Variants in DENND1B observed in about 807,000 individuals in gnomAD.
The protein encoded by DENND1B is DENN domain-containing protein 1B.
DENND1B carries 59 observed loss-of-function variants against 90.1 expected under a neutral mutation model. The observed-to-expected ratio is 0.65, with a 90% CI of 0.53 to 0.81. DENND1B has a LOEUF of 0.81. Ranked by LOEUF, DENND1B falls within the 40% of genes least tolerant of loss-of-function variation. DENND1B has a pLI of 0.00. For missense variants in DENND1B, 862 were observed against 912.6 expected (o/e 0.94, Z 0.71); for synonymous variants, 337 against 324.6 (o/e 1.04, Z -0.41).
intron 3 of DENND1B, among the ~76,000 whole-genome samples, chr1:197,695,783 T>C (rs2102120482): frequency 6.6e-6 from 1 of 151,368 alleles, no homozygotes; most frequent in East Asian, 1.9e-4. Flanking sequence ...CACGATCATT[T>C]AAATATTTAT....
intron 20 of DENND1B, among the ~76,000 whole-genome samples, chr1:197,516,600 C>A (rs542858798): frequency 4.2e-4 from 63 of 151,636 alleles, no homozygotes; most frequent in South Asian, 2.9e-3. Context: ...TCCCCATGTT[C>A]GGAACATAAC....
At chr1:197,662,721 T>C (rs1397901481) in intron 5 of DENND1B, among the ~76,000 whole-genome samples, 1 of 152,046 alleles carries the variant, frequency 6.6e-6, no homozygotes, top group Non-Finnish European at 1.5e-5. Flanking sequence ...AGCCTTTTAA[T>C]AAACATGTTC....
chr1:197,700,451 C>T (rs1414645300), intron 3 of DENND1B, among the ~76,000 whole-genome samples: 1 of 152,080 alleles, frequency 6.6e-6, no homozygotes, highest in Admixed American at 6.5e-5. Flanking sequence ...ACACCTTATA[C>T]AAAAATTAAC....
At chr1:197,608,656 A>G (rs1255355872) in intron 12 of DENND1B, among the ~76,000 whole-genome samples, 3 of 150,528 alleles carry the variant, frequency 2.0e-5, no homozygotes, top group Non-Finnish European at 4.5e-5. Context: ...AATCTAATAA[A>G]CCTGATGTAT....
chr1:197,752,476 T>C (rs1374231898), intron 2 of DENND1B, among the ~76,000 whole-genome samples: 1 of 151,986 alleles, frequency 6.6e-6, no homozygotes, highest in Non-Finnish European at 1.5e-5. Context: ...AACAACAGTA[T>C]CAGTATAATT....
intron 13 of DENND1B, among the ~76,000 whole-genome samples, chr1:197,603,518 G>C (rs560115720): frequency 6.6e-6 from 1 of 150,796 alleles, no homozygotes; most frequent in Non-Finnish European, 1.5e-5. Context: ...ATTAGAGACC[G>C]TTAAGCAATA....
chr1:197,720,927 C>T (rs1416285462), intron 2 of DENND1B, among the ~76,000 whole-genome samples: 1 of 152,028 alleles, frequency 6.6e-6, no homozygotes, highest in African/African-American at 2.4e-5. Flanking sequence ...TTGAAGTTAA[C>T]CTATAGATGA....
intron 4 of DENND1B, among the ~76,000 whole-genome samples, chr1:197,673,099 A>T (rs554644034): frequency 6.6e-6 from 1 of 152,084 alleles, no homozygotes; most frequent in South Asian, 2.1e-4. Flanking sequence ...CAAATGCTGA[A>T]CATTTAACAA....
In DENND1B at chr1:197,746,684, G is replaced by A. The variant is rs142059569; in HGVS notation, c.82+26184C>T. 11 of 777,026 alleles carry A rather than the reference G, an allele frequency of 1.4e-5. No homozygotes were observed. In the East Asian group the frequency reaches 2.7e-4, roughly 19 times the overall value. The allele number at this position is 777,026 out of a possible 1,614,324, so 48.1% of individuals were successfully genotyped here. ...CAATTTTCTGACATATTTAACACAG[G>A]CTGGAAAACGTTCTCAGTAAATTGA... On this transcript the variant is annotated intron_variant, in intron 2 of 22. Transcript: ENST00000620048.
At chr1:197,768,517 C>T (rs1272029643) in intron 2 of DENND1B, among the ~76,000 whole-genome samples, 1 of 152,110 alleles carries the variant, frequency 6.6e-6, no homozygotes, top group Non-Finnish European at 1.5e-5. Context: ...GCTGGCTGTA[C>T]TTCCCTGCCT....
chr1:197,548,405 C>T (rs1034924520), intron 16 of DENND1B, among the ~76,000 whole-genome samples: 3 of 152,144 alleles, frequency 2.0e-5, no homozygotes, highest in Non-Finnish European at 4.4e-5. Flanking sequence ...TGAGCATCAG[C>T]TTCTTCATTC....
intron 2 of DENND1B, among the ~76,000 whole-genome samples, chr1:197,768,102 G>C (rs1655924041): frequency 6.6e-6 from 1 of 152,052 alleles, no homozygotes; most frequent in Non-Finnish European, 1.5e-5. Flanking sequence ...CACAGAATAA[G>C]TACAACATAT....
chr1:197,655,443 T>C (rs577045192), intron 6 of DENND1B, among the ~76,000 whole-genome samples: 3 of 152,240 alleles, frequency 2.0e-5, no homozygotes, highest in African/African-American at 7.2e-5. Flanking sequence ...ACAGAAAGCA[T>C]CACCTAACTT....
intron 2 of DENND1B, among the ~76,000 whole-genome samples, chr1:197,749,732 A>G (rs1206202938): frequency 1.3e-5 from 2 of 151,568 alleles, no homozygotes; most frequent in South Asian, 4.1e-4. Context: ...TTTTTTTTTC[A>G]TTTCTTAACT....
intron 20 of DENND1B, among the ~76,000 whole-genome samples, chr1:197,536,312 T>C (rs1292674014): frequency 1.3e-5 from 2 of 152,192 alleles, no homozygotes; most frequent in Non-Finnish European, 2.9e-5. Flanking sequence ...AGAATGCCTA[T>C]ATCCTTATAA....
chr1:197,649,948 G>GA (rs1206636273), intron 7 of DENND1B, among the ~76,000 whole-genome samples: 1 of 152,082 alleles, frequency 6.6e-6, no homozygotes, highest in Admixed American at 6.6e-5. Context: ...TAGAATGGGA[G>GA]AAAATCTCAC....
chr1:197,734,971 CT>C, intron 2 of DENND1B: 1 of 985,138 alleles, frequency 1.0e-6, no homozygotes, highest in Non-Finnish European at 1.2e-6. Context: ...AAATTAAAGA[CT>C]CTGGAACACA....
Position 197,604,897 on chromosome 1 carries a change from C to T in DENND1B, c.921+2176G>A, listed in dbSNP as rs79790293. Among the ~76,000 whole-genome samples, 1,249 of 151,158 alleles carry T rather than the reference C, an allele frequency of 8.3e-3. 19 individuals carry two copies. The highest frequency in any genetic ancestry group is 0.028 in the African/African-American group (1,149 of 41,396). ...AATTGTAAGAGATAACTTTAGAAAACTGATGAAAAAGCTATATTTATTAGA... is the reference window on the plus strand; with the variant it reads ...AATTGTAAGAGATAACTTTAGAAAATTGATGAAAAAGCTATATTTATTAGA... On this transcript the variant is annotated intron_variant, in intron 13 of 22. Coordinates refer to ENST00000620048, the MANE Select transcript of DENND1B (RefSeq NM_001195215.2).
At position 197,715,092 on chromosome 1, in the gene DENND1B, G is replaced by A. The variant is rs1189532421; in HGVS notation, c.83-18C>T. ...CACAGGATCTGTAAATAATTGACAT[G>A]TATAATTAAACAGCAGCAAAAGAAC... On this transcript the variant is annotated intron_variant, in intron 2 of 22. Coordinates refer to ENST00000620048, the MANE Select transcript of DENND1B (RefSeq NM_001195215.2). 1.2e-6 allele frequency: 2 copies of A among 1,604,710 alleles called. No individual in the cohort carries two copies. The highest frequency in any genetic ancestry group is 2.2e-5 in the East Asian group (1 of 44,650).
Sources: gnomAD v4.1 joint callset for allele counts (sites outside exome capture counted in the v4.1 genomes callset) on GRCh38, gnomAD v4.1.1 for gene constraint, MANE v1.5 for transcripts, NCBI Gene and HGNC (gene_info 2026-07-23, HGNC 2026-07-21) for gene names.